MACROD2: variants seen among roughly 807,000 people sequenced by gnomAD.
MACROD2 encodes the protein mono-ADP ribosylhydrolase 2, also known as ADP-ribose glycohydrolase MACROD2.
In MACROD2, 36 loss-of-function variants were observed where a neutral mutation model predicts 70.4. The ratio of observed to expected loss-of-function variants is 0.51; its 90% CI spans 0.39 to 0.68. The LOEUF (loss-of-function observed/expected upper bound fraction) is 0.68, where lower values mean the gene tolerates loss of function less well. MACROD2 is among the 30% of genes least tolerant of loss of function. MACROD2 has a pLI of 0.00. For synonymous variants in MACROD2, 172 were observed against 178.8 expected (o/e 0.96, Z 0.30); for missense variants, 496 against 538.4 (o/e 0.92, Z 0.78).
chr20:14,224,925 C>T lies in MACROD2; in HGVS notation c.271+139197C>T, dbSNP rs188317102. ...AATCCTTATACACTAGCCATTCTAC[C>T]TGATACCGTATTCCAGTGAGCACTG... On this transcript the variant is annotated intron_variant, in intron 3 of 17. Transcript: ENST00000684519. Among the ~76,000 whole-genome samples the T allele has an allele frequency of 2.3e-4, 35 of 152,236 alleles. No homozygotes were observed. In the East Asian group the frequency reaches 6.4e-3, roughly 28 times the overall value.
At chr20:15,557,125 A>G (rs2048178771) in intron 8 of MACROD2, among the ~76,000 whole-genome samples, 1 of 152,196 alleles carries the variant, frequency 6.6e-6, no homozygotes, top group Non-Finnish European at 1.5e-5. Context: ...TCATCATTGC[A>G]GTAAAATTCA....
chr20:14,865,465 G>C (rs1036312473), intron 5 of MACROD2, among the ~76,000 whole-genome samples: 5 of 150,928 alleles, frequency 3.3e-5, no homozygotes, highest in Non-Finnish European at 5.9e-5. Flanking sequence ...TCATTGGTTT[G>C]TGTTCTCCTG....
In MACROD2 at chr20:14,589,583, G is replaced by C. The variant is rs115974805; in HGVS notation, c.302-95260G>C. ...ACATATGTAGCTCTAGCCATTCTGAGAGTTGCTATGTTTTAATAACATAAT... is the reference window on the plus strand; with the variant it reads ...ACATATGTAGCTCTAGCCATTCTGACAGTTGCTATGTTTTAATAACATAAT... On this transcript the variant is annotated intron_variant, in intron 4 of 17. Transcript: ENST00000684519. Among the ~76,000 whole-genome samples the C allele has an allele frequency of 2.0e-3, 312 of 152,208 alleles. 1 individual carries two copies. Among genetic ancestry groups the C allele is most frequent in the African/African-American group, 7.2e-3 (301 of 41,534 alleles).
At chr20:15,850,690 C>A (rs2064287611) in intron 8 of MACROD2, among the ~76,000 whole-genome samples, 1 of 152,200 alleles carries the variant, frequency 6.6e-6, no homozygotes, top group Non-Finnish European at 1.5e-5. Flanking sequence ...TTTACCCTCA[C>A]AGCTGATGGC....
At chr20:14,057,349 G>T (rs536058157) in intron 2 of MACROD2, among the ~76,000 whole-genome samples, 6 of 152,240 alleles carry the variant, frequency 3.9e-5, no homozygotes, top group African/African-American at 1.4e-4. Context: ...AGTAACAGCA[G>T]ATACTTGTAA....
At chr20:15,882,395 T>A (rs192597223) in intron 9 of MACROD2, among the ~76,000 whole-genome samples, 21 of 152,140 alleles carry the variant, frequency 1.4e-4, no homozygotes, top group Admixed American at 1.2e-3. Context: ...TCTTTGGAAT[T>A]TGAATGAGCC....
At chr20:15,857,419 A>C (rs552702767) in intron 8 of MACROD2, among the ~76,000 whole-genome samples, 16 of 152,200 alleles carry the variant, frequency 1.1e-4, no homozygotes, top group Non-Finnish European at 2.2e-4. Flanking sequence ...TTGGAACCCC[A>C]AAGCTGTGAT....
At chr20:14,638,095 G>A (rs1017849730) in intron 4 of MACROD2, among the ~76,000 whole-genome samples, 6 of 151,908 alleles carry the variant, frequency 3.9e-5, no homozygotes, top group African/African-American at 1.5e-4. Flanking sequence ...TTGTGTTGAT[G>A]TAGAGGGTGG....
intron 2 of MACROD2, among the ~76,000 whole-genome samples, chr20:14,050,220 A>AT (rs1392118396): frequency 6.6e-6 from 1 of 152,118 alleles, no homozygotes; most frequent in Non-Finnish European, 1.5e-5. Flanking sequence ...TATTCTGCAT[A>AT]TGATGATTCT....
chr20:14,645,723 TTGG>T (rs1985351876), intron 4 of MACROD2, among the ~76,000 whole-genome samples: 1 of 151,994 alleles, frequency 6.6e-6, no homozygotes, highest in Non-Finnish European at 1.5e-5. Context: ...ATTGTTAATA[TTGG>T]TTGCATTTGA....
chr20:15,104,486 A>T (rs1421806267), intron 5 of MACROD2, among the ~76,000 whole-genome samples: 1 of 152,194 alleles, frequency 6.6e-6, no homozygotes, highest in Non-Finnish European at 1.5e-5. Context: ...GAAACATTGA[A>T]GACTGCAAAA....
intron 8 of MACROD2, among the ~76,000 whole-genome samples, chr20:15,603,892 G>A (rs1244704792): frequency 1.3e-5 from 2 of 151,958 alleles, no homozygotes; most frequent in Admixed American, 6.6e-5. Context: ...TTAAAAAAAT[G>A]TATTGAACAA....
chr20:15,265,807 A>G (rs78531202), intron 6 of MACROD2, among the ~76,000 whole-genome samples: 1,842 of 152,324 alleles, frequency 0.012, 37 homozygotes, highest in African/African-American at 0.041. Flanking sequence ...AAAAAAAGTT[A>G]CCAGCTATCA....
At chr20:14,857,236 T>C (rs1361054172) in intron 5 of MACROD2, among the ~76,000 whole-genome samples, 3 of 152,168 alleles carry the variant, frequency 2.0e-5, no homozygotes, top group Non-Finnish European at 4.4e-5. Flanking sequence ...ATTCTGCACA[T>C]GCAGTTGCCT....
intron 3 of MACROD2, among the ~76,000 whole-genome samples, chr20:14,488,727 T>C (rs73096615): frequency 1.4e-4 from 22 of 152,318 alleles, no homozygotes; most frequent in Non-Finnish European, 2.6e-4. Flanking sequence ...ACATCTTTGA[T>C]CCTCTTTAGC....
chr20:15,996,865 A>G (rs1174803126), intron 15 of MACROD2, among the ~76,000 whole-genome samples: 2 of 152,088 alleles, frequency 1.3e-5, no homozygotes, highest in Non-Finnish European at 2.9e-5. Flanking sequence ...ATCTATTTCA[A>G]GTTAATTTCT....
chr20:14,882,417 C>T (rs1226151426), intron 5 of MACROD2, among the ~76,000 whole-genome samples: 1 of 152,038 alleles, frequency 6.6e-6, no homozygotes, highest in East Asian at 1.9e-4. Flanking sequence ...AAGGTACTTC[C>T]CTGAAGGGAA....
At chr20:15,310,905 G>A (rs1363112113) in intron 6 of MACROD2, among the ~76,000 whole-genome samples, 1 of 152,160 alleles carries the variant, frequency 6.6e-6, no homozygotes, top group East Asian at 1.9e-4. Context: ...TGTGATCAAA[G>A]ACATTCAGGG....
intron 2 of MACROD2, among the ~76,000 whole-genome samples, chr20:14,046,682 C>G (rs1367588289): frequency 6.6e-6 from 1 of 151,944 alleles, no homozygotes; most frequent in African/African-American, 2.4e-5. Flanking sequence ...CTTTGTTCAT[C>G]TTCCTTTTTC....
Sources: allele counts gnomAD v4.1 joint callset (sites outside exome capture counted in the v4.1 genomes callset), GRCh38; gene constraint gnomAD v4.1.1; transcripts MANE v1.5; gene names NCBI Gene and HGNC (gene_info 2026-07-23, HGNC 2026-07-21).